Variants in FUT6 observed in about 807,000 individuals in gnomAD.
The protein encoded by FUT6 is fucosyltransferase 6.
For synonymous variants in FUT6, 187 were observed against 209.9 expected (o/e 0.89, Z 0.94); for missense variants, 454 against 494.6 (o/e 0.92, Z 0.78).
rs2144786841 is a variant in FUT6 at position 5,831,884 on chromosome 19, C to A, written c.684G>T (p.Leu228=). 1 of 1,613,966 alleles carries A rather than the reference C, an allele frequency of 6.2e-7. No individual in the cohort carries two copies. The highest frequency in any genetic ancestry group is 2.2e-5 in the East Asian group (1 of 44,876). ...VDVYGRSHKP[L]PQGTMMETLS... The stretch of plus-strand genomic sequence containing the variant: ...GCGTCTCCATCATGGTTCCCTGGGG[C>A]AGGGGCTTGTGGGAGCGTCCGTACA... The change falls in exon 3 of 3, where the codon CTG becomes CTT. Residue 228 remains leucine, a synonymous_variant. Transcript: ENST00000318336. The surrounding 1 kb of genome is among the most constrained non-coding windows in gnomAD (Gnocchi z 7.0).
intron 2 of FUT6, chr19:5,834,690 C>T (rs1240126643): frequency 6.6e-6 from 1 of 152,282 alleles, no homozygotes; most frequent in East Asian, 1.9e-4. Flanking sequence ...TTCTCAGCTA[C>T]TTGGGAAGCT....
At chr19:5,833,864 G>T (rs1057388047) in intron 2 of FUT6, among the ~76,000 whole-genome samples, 1 of 152,032 alleles carries the variant, frequency 6.6e-6, no homozygotes, top group African/African-American at 2.4e-5. Context: ...GGGTGCATTG[G>T]CTCACGACTG....
intron 2 of FUT6, chr19:5,834,470 G>C (rs1397143013): frequency 6.6e-6 from 1 of 152,578 alleles, no homozygotes; most frequent in African/African-American, 2.4e-5. Context: ...AAATCCCCCG[G>C]AGTGTGGGCA....
In FUT6 at chr19:5,832,315, G is replaced by A. The variant is rs2057115798; in HGVS notation, c.253C>T (p.Pro85Ser). The A allele has an allele frequency of 6.2e-7, 1 of 1,614,052 alleles. No homozygotes were observed. Among genetic ancestry groups the A allele is most frequent in the Non-Finnish European group, 8.5e-7 (1 of 1,180,014 alleles). ...GTGATGTTGCAGTCAGCCGTGCCAG[G>A]CACCATCTCTGAGCAGCGGGGCAGA... ...IALPRCSEMV[P>S]GTADCNITAD... Residue 85 changes from proline (P) to serine (S), a missense_variant, in exon 3 of 3, where the codon CCT becomes TCT. Coordinates refer to ENST00000318336, the MANE Select transcript of FUT6 (RefSeq NM_000150.4). The surrounding 1 kb of genome is among the most constrained non-coding windows in gnomAD (Gnocchi z 4.3).
rs1326002032 is a variant in FUT6 at position 5,831,099 on chromosome 19, G to A, written c.*389C>T. On this transcript the variant is annotated 3_prime_UTR_variant, in exon 3 of 3. Transcript: ENST00000318336. The surrounding 1 kb of genome is among the most constrained non-coding windows in gnomAD (Gnocchi z 7.0). ...TCCCCAGCAGGTGAGGCTCCTAGCA[G>A]GTGAGATTCAGTGTGGAAGGTCTCT... 6.8e-6 allele frequency: 4 copies of A among 584,172 alleles called. No individual in the cohort carries two copies. Among genetic ancestry groups the A allele is most frequent in the Non-Finnish European group, 1.2e-5 (4 of 328,704 alleles). The allele number at this position is 584,172 out of a possible 1,614,324, so 36.2% of individuals were successfully genotyped here. A position where few individuals can be genotyped will look rare whatever the true frequency, so the allele number is the denominator to read the frequency against.
chr19:5,838,030 G>C (rs957061064), intron 1 of FUT6: 4 of 152,042 alleles, frequency 2.6e-5, no homozygotes, highest in Admixed American at 1.3e-4. Flanking sequence ...AATGTTTAGA[G>C]ATACATTTAA....
Position 5,834,950 on chromosome 19 carries a change from C to G in FUT6, c.-13G>C, listed in dbSNP as rs2057159943. 1 of 152,268 alleles carries G rather than the reference C, an allele frequency of 6.6e-6. No homozygotes were observed. Among genetic ancestry groups the G allele is most frequent in the East Asian group, 1.9e-4 (1 of 5,200 alleles). The allele number at this position is 152,268 out of a possible 1,614,324, so 9.4% of individuals were successfully genotyped here. On this transcript the variant is annotated splice_region_variant and 5_prime_UTR_variant, in exon 2 of 3. Transcript: ENST00000318336. Reference sequence around the variant, plus strand: ...GGGACCCTTGGACCATGATAAGGACCTGCTGCCGCTCCCTGGACACTGCTG... The same window carrying G: ...GGGACCCTTGGACCATGATAAGGACGTGCTGCCGCTCCCTGGACACTGCTG...
At chr19:5,835,341 G>A (rs1312384712) in intron 1 of FUT6, among the ~76,000 whole-genome samples, 1 of 152,158 alleles carries the variant, frequency 6.6e-6, no homozygotes, top group Admixed American at 6.6e-5. Flanking sequence ...AAGGCTCAGA[G>A]AGACACCTAT....
At chr19:5,834,151 A>G (rs1599649728) in intron 2 of FUT6, among the ~76,000 whole-genome samples, 1 of 151,716 alleles carries the variant, frequency 6.6e-6, no homozygotes, top group East Asian at 1.9e-4. Context: ...AAAAAAAGAG[A>G]GAATAGAAAT....
Position 5,839,639 on chromosome 19 carries a change from C to T in FUT6, c.-1103G>A, listed in dbSNP as rs1225181538. ...GTGTGCCTCAAAGCCACTTCCTTTC[C>T]CCACCCACTCCTGCAGGGCAGTGCA... is the stretch of plus-strand genomic sequence containing the variant. On this transcript the variant is annotated 5_prime_UTR_variant, in exon 1 of 3. Coordinates refer to ENST00000318336, the MANE Select transcript of FUT6 (RefSeq NM_000150.4). 6.6e-6 allele frequency: 1 copy of T among 152,306 alleles called. No individual in the cohort carries two copies. Among genetic ancestry groups the T allele is most frequent in the African/African-American group, 2.4e-5 (1 of 41,446 alleles). 9.4% of individuals were successfully genotyped at this position (152,306 alleles called of 1,614,324 possible).
At position 5,831,721 on chromosome 19, in the gene FUT6, A is replaced by G; in HGVS notation, c.847T>C (p.Phe283Leu). Residue 283 changes from phenylalanine to leucine, a missense_variant, in exon 3 of 3, where the codon TTC becomes CTC. By Grantham distance (22) the Phe-to-Leu change is conservative (BLOSUM62 0). Coordinates refer to ENST00000318336, the MANE Select transcript of FUT6 (RefSeq NM_000150.4). This position sits in a 1 kb window ranked among gnomAD's most constrained non-coding sequence, Gnocchi z 7.0. ...TGGATGAAGGCGTCGGGTGGCAGGA[A>G]CCTCTCGTAGTTGCTTCTGCTGGGG... ...LGPSRSNYER[F>L]LPPDAFIHVD... The G allele has an allele frequency of 1.9e-6, 3 of 1,608,246 alleles. No homozygotes were observed. Among genetic ancestry groups the G allele is most frequent in the Non-Finnish European group, 2.5e-6 (3 of 1,178,360 alleles).
At position 5,831,553 on chromosome 19, in the gene FUT6, C is replaced by A. The variant is rs747275101; in HGVS notation, c.1015G>T (p.Ala339Ser). 7.1e-5 allele frequency: 114 copies of A among 1,614,060 alleles called. No individual in the cohort carries two copies. The highest frequency in any genetic ancestry group is 9.2e-5 in the Non-Finnish European group (108 of 1,180,022). The change falls in exon 3 of 3, where the codon GCC becomes TCC. Residue 339 changes from alanine (A) to serine (S), a missense_variant. Coordinates refer to ENST00000318336, the MANE Select transcript of FUT6 (RefSeq NM_000150.4). This position sits in a 1 kb window ranked among gnomAD's most constrained non-coding sequence, Gnocchi z 7.0. ...GATTCCTCCTGCAGTTTCCAGCAGG[C>A]CTTGCAGAAAGCGAGTGCCCAGCTG... is the stretch of plus-strand genomic sequence containing the variant. ...SFSWALAFCK[A>S]CWKLQEESRY...
Position 5,832,310 on chromosome 19 carries a change from G to A in FUT6, c.258C>T (p.Gly86=). 1 of 1,614,050 alleles carries A rather than the reference G, an allele frequency of 6.2e-7. No homozygotes were observed. The highest frequency in any genetic ancestry group is 1.1e-5 in the South Asian group (1 of 91,084). The stretch of plus-strand genomic sequence containing the variant: ...CGGCAGTGATGTTGCAGTCAGCCGT[G>A]CCAGGCACCATCTCTGAGCAGCGGG... ...ALPRCSEMVP[G]TADCNITADR... is the part of the protein sequence containing the mutation. The change falls in exon 3 of 3, where the codon GGC becomes GGT. Residue 86 remains glycine, a synonymous_variant. Transcript: ENST00000318336. This position sits in a 1 kb window ranked among gnomAD's most constrained non-coding sequence, Gnocchi z 4.3.
At position 5,832,762 on chromosome 19, in the gene FUT6, G is replaced by A. The variant is rs78060698; in HGVS notation, c.-12-183C>T. 32,472 of 614,336 alleles carry A rather than the reference G, an allele frequency of 0.053. 1,252 individuals carry two copies. Among genetic ancestry groups the A allele is most frequent in the South Asian group, 0.14 (6,833 of 50,294 alleles). The allele number at this position is 614,336 out of a possible 1,614,324, so 38.1% of individuals were successfully genotyped here. ...GTTTGAACAAAGGGAGCTTGGCCCAGAGTCCACTTCCTCCCACCCATTAGA... is the reference window on the plus strand; with the variant it reads ...GTTTGAACAAAGGGAGCTTGGCCCAAAGTCCACTTCCTCCCACCCATTAGA... On this transcript the variant is annotated intron_variant, in intron 2 of 2. Coordinates refer to ENST00000318336, the MANE Select transcript of FUT6 (RefSeq NM_000150.4). The surrounding 1 kb of genome is among the most constrained non-coding windows in gnomAD (Gnocchi z 4.3).
chr19:5,831,187 G>T lies in FUT6; in HGVS notation c.*301C>A. On this transcript the variant is annotated 3_prime_UTR_variant, in exon 3 of 3. Coordinates refer to ENST00000318336, the MANE Select transcript of FUT6 (RefSeq NM_000150.4). This position sits in a 1 kb window ranked among gnomAD's most constrained non-coding sequence, Gnocchi z 7.0. ...AGGTCCCCAGTAGGCAAAGTCCCCA[G>T]GAGACATCCCCAGCAGGCCAGGCTT... 1.4e-6 allele frequency: 1 copy of T among 707,578 alleles called. No homozygotes were observed. The highest frequency in any genetic ancestry group is 1.6e-5 in the South Asian group (1 of 64,196). 43.8% of individuals were successfully genotyped at this position (707,578 alleles called of 1,614,324 possible). A position where few individuals can be genotyped will look rare whatever the true frequency, so the allele number is the denominator to read the frequency against.
intron 1 of FUT6, among the ~76,000 whole-genome samples, chr19:5,836,174 G>C (rs1415036304): frequency 6.7e-6 from 1 of 149,602 alleles, no homozygotes; most frequent in Non-Finnish European, 1.5e-5. Context: ...GATTACATCT[G>C]TGAGCCACTG....
chr19:5,832,036 G>C lies in FUT6; in HGVS notation c.532C>G (p.Pro178Ala), dbSNP rs756394387. 6.2e-7 allele frequency: 1 copy of C among 1,613,536 alleles called. No individual in the cohort carries two copies. The highest frequency in any genetic ancestry group is 1.7e-5 in the Admixed American group (1 of 59,996). The change falls in exon 3 of 3, where the codon CCT becomes GCT. Residue 178 changes from proline (P) to alanine (A), a missense_variant. Pro to Ala is a conservative substitution (Grantham distance 27). Coordinates refer to ENST00000318336, the MANE Select transcript of FUT6 (RefSeq NM_000150.4). This position sits in a 1 kb window ranked among gnomAD's most constrained non-coding sequence, Gnocchi z 4.3. ...YGWLEPWSGQ[P>A]AHPPLNLSAK... ...GAGAGGTTGAGCGGTGGGTGGGCAG[G>C]CTGGCCGGACCACGGCTCCAGCCAG...
Position 5,831,816 on chromosome 19 carries a change from T to C in FUT6, c.752A>G (p.His251Arg). ...KFYLAFENSL[H>R]PDYITEKLWR... Reference sequence around the variant, plus strand: ...CAGCTTCTCGGTGATGTAGTCGGGGTGCAAGGAGTTCTCGAAGGCCAGATA... The same window carrying C: ...CAGCTTCTCGGTGATGTAGTCGGGGCGCAAGGAGTTCTCGAAGGCCAGATA... The change falls in exon 3 of 3, where the codon CAC becomes CGC. Residue 251 changes from histidine (H) to arginine (R), a missense_variant. His to Arg is a conservative substitution (Grantham distance 29). Coordinates refer to ENST00000318336, the MANE Select transcript of FUT6 (RefSeq NM_000150.4). This position sits in a 1 kb window ranked among gnomAD's most constrained non-coding sequence, Gnocchi z 7.0. 1 of 1,613,738 alleles carries C rather than the reference T, an allele frequency of 6.2e-7. No individual in the cohort carries two copies. Among genetic ancestry groups the C allele is most frequent in the Non-Finnish European group, 8.5e-7 (1 of 1,179,814 alleles).
chr19:5,832,134 A>G lies in FUT6; in HGVS notation c.434T>C (p.Leu145Pro). Residue 145 changes from leucine (L) to proline (P), a missense_variant, in exon 3 of 3, where the codon CTG becomes CCG. Physicochemically the swap from Leu to Pro is moderately conservative, Grantham distance 98 (BLOSUM62 -3). Coordinates refer to ENST00000318336, the MANE Select transcript of FUT6 (RefSeq NM_000150.4). The surrounding 1 kb of genome is among the most constrained non-coding windows in gnomAD (Gnocchi z 4.3). ...ATTGAAGTATCCGTCCATGGCTTTC[A>G]GCTGCCAGCAGTGGCTTGGGGACTC... ...SMESPSHCWQ[L>P]KAMDGYFNLT... is the part of the protein sequence containing the mutation. 1 of 1,613,910 alleles carries G rather than the reference A, an allele frequency of 6.2e-7. No individual in the cohort carries two copies.
Sources: gnomAD v4.1 joint callset for allele counts (sites outside exome capture counted in the v4.1 genomes callset) on GRCh38, gnomAD v4.1.1 for gene constraint, Gnocchi (gnomAD v3.1) non-coding constraint, MANE v1.5 for transcripts, NCBI Gene and HGNC (gene_info 2026-07-23, HGNC 2026-07-21) for gene names.